The following PTPRD variants were observed in gnomAD, a reference collection of about 807,000 sequenced individuals.
PTPRD encodes the protein protein tyrosine phosphatase receptor type D.
A neutral mutation model predicts 214.5 loss-of-function variants in PTPRD; 34 were observed. The observed-to-expected ratio is 0.16, with a 90% CI of 0.12 to 0.21. The LOEUF (loss-of-function observed/expected upper bound fraction) is 0.21, where lower values mean the gene tolerates loss of function less well. PTPRD is among the 10% of genes least tolerant of loss of function. The probability of loss-of-function intolerance (pLI) is 1.00; values close to 1 mark genes in which losing one functional copy is unlikely to be tolerated. For synonymous variants in PTPRD, 1,128 were observed against 845.7 expected (o/e 1.33, Z -5.79); for missense variants, 2,545 against 2,398.7 (o/e 1.06, Z -1.27).
intron 35 of PTPRD, among the ~76,000 whole-genome samples, chr9:8,408,476 G>C (rs2130849514): frequency 6.6e-6 from 1 of 152,156 alleles, no homozygotes; most frequent in East Asian, 1.9e-4. Flanking sequence ...TGAAATCCTG[G>C]CCAGGCTTTC....
At chr9:8,733,423 G>T (rs2098681698) in intron 12 of PTPRD, among the ~76,000 whole-genome samples, 1 of 152,134 alleles carries the variant, frequency 6.6e-6, no homozygotes, top group South Asian at 2.1e-4. Flanking sequence ...AAGAAATTTT[G>T]AGTGGGTCTG....
At chr9:9,738,022 T>C (rs756866224) in intron 6 of PTPRD, among the ~76,000 whole-genome samples, 7 of 151,862 alleles carry the variant, frequency 4.6e-5, no homozygotes, top group African/African-American at 9.7e-5. Context: ...AAACACCGCA[T>C]GTTCTCACTC....
intron 10 of PTPRD, chr9:9,091,030 G>A: frequency 2.6e-6 from 4 of 1,561,284 alleles, no homozygotes; most frequent in Non-Finnish European, 3.5e-6. Context: ...TCGAAACATA[G>A]TGGAGGCCGC....
At chr9:8,329,727 G>A (rs1337781620) in intron 44 of PTPRD, among the ~76,000 whole-genome samples, 1 of 152,110 alleles carries the variant, frequency 6.6e-6, no homozygotes, top group African/African-American at 2.4e-5. Flanking sequence ...CCAGGGAGGA[G>A]TAATCCAGAG....
At chr9:9,836,403 A>T (rs1412108452) in intron 5 of PTPRD, among the ~76,000 whole-genome samples, 1 of 152,142 alleles carries the variant, frequency 6.6e-6, no homozygotes, top group Admixed American at 6.6e-5. Flanking sequence ...TGGGCTCATT[A>T]CCCACGTGGT....
intron 10 of PTPRD, among the ~76,000 whole-genome samples, chr9:9,070,999 G>A (rs1427168721): frequency 6.6e-6 from 1 of 152,040 alleles, no homozygotes; most frequent in Non-Finnish European, 1.5e-5. Context: ...CTGCAGCCTC[G>A]AATTTCTGGG....
At chr9:8,581,822 G>A (rs1389300886) in intron 14 of PTPRD, among the ~76,000 whole-genome samples, 6 of 149,102 alleles carry the variant, frequency 4.0e-5, no homozygotes, top group African/African-American at 1.5e-4. Flanking sequence ...AGGGCCCGGT[G>A]GCTCACGCCT....
At chr9:8,699,386 A>T (rs911789173) in intron 12 of PTPRD, among the ~76,000 whole-genome samples, 2 of 152,226 alleles carry the variant, frequency 1.3e-5, no homozygotes, top group Admixed American at 6.5e-5. Context: ...AATTCCTGAA[A>T]TAATGTAAAT....
At chr9:10,514,794 C>T (rs897851365) in intron 2 of PTPRD, among the ~76,000 whole-genome samples, 1 of 151,746 alleles carries the variant, frequency 6.6e-6, no homozygotes, top group African/African-American at 2.4e-5. Context: ...CACAGTGGTC[C>T]CAAAATGTAT....
At chr9:8,826,544 C>T (rs1049150922) in intron 11 of PTPRD, among the ~76,000 whole-genome samples, 1 of 152,104 alleles carries the variant, frequency 6.6e-6, no homozygotes, top group East Asian at 1.9e-4. Flanking sequence ...GTGCTGATAC[C>T]AGCTACCCAT....
chr9:8,907,666 G>T (rs7028941), intron 11 of PTPRD, among the ~76,000 whole-genome samples: 22,495 of 151,020 alleles, frequency 0.15, 2,151 homozygotes, highest in Non-Finnish European at 0.21. Context: ...ACAAAGATGA[G>T]AAATTTACTA....
chr9:10,337,386 G>C (rs939240969), intron 3 of PTPRD, among the ~76,000 whole-genome samples: 1 of 151,654 alleles, frequency 6.6e-6, no homozygotes, highest in Non-Finnish European at 1.5e-5. Flanking sequence ...AATGGATTTA[G>C]ATATAGTTTC....
rs867468817 is a variant in PTPRD at position 8,360,430 on chromosome 9, A to T, written c.4661+15506T>A. ...AATATACAGTTATGCATTTGAGGTT[A>T]ATGTCAACTGTATACATACATTTTA... On this transcript the variant is annotated intron_variant, in intron 39 of 45. Transcript: ENST00000381196. Among the ~76,000 whole-genome samples, 16 of 152,222 alleles carry T rather than the reference A, an allele frequency of 1.1e-4. No individual in the cohort carries two copies. In the South Asian group the frequency reaches 2.3e-3, roughly 22 times the overall value.
chr9:10,569,981 C>G (rs1031500038), intron 2 of PTPRD, among the ~76,000 whole-genome samples: 4 of 151,912 alleles, frequency 2.6e-5, no homozygotes, highest in African/African-American at 9.7e-5. Flanking sequence ...ATAAAATAAG[C>G]CAACCTTAAC....
chr9:10,046,927 C>T (rs1212884271), intron 3 of PTPRD, among the ~76,000 whole-genome samples: 1 of 151,956 alleles, frequency 6.6e-6, no homozygotes, highest in Non-Finnish European at 1.5e-5. Context: ...ACAACAATTA[C>T]AGACATCCAA....
chr9:10,505,083 A>G (rs997618434), intron 2 of PTPRD, among the ~76,000 whole-genome samples: 2 of 152,214 alleles, frequency 1.3e-5, no homozygotes, highest in Non-Finnish European at 2.9e-5. Flanking sequence ...GTCTTGCAAA[A>G]GAAAAAAGGC....
chr9:9,366,492 C>T (rs1228245783), intron 9 of PTPRD, among the ~76,000 whole-genome samples: 1 of 151,388 alleles, frequency 6.6e-6, no homozygotes, highest in East Asian at 1.9e-4. Flanking sequence ...AGTGAGATTA[C>T]TGAAATTCAG....
At chr9:8,496,633 C>T (rs1453588343) in intron 26 of PTPRD, among the ~76,000 whole-genome samples, 2 of 152,170 alleles carry the variant, frequency 1.3e-5, no homozygotes, top group South Asian at 2.1e-4. Context: ...GAAGAACAGC[C>T]ACTTCTAGTT....
Position 8,629,256 on chromosome 9 carries a change from C to T in PTPRD, c.352+4061G>A, listed in dbSNP as rs143050003. 3.8e-4 allele frequency among the ~76,000 whole-genome samples: 58 copies of T among 151,854 alleles called. 1 individual carries two copies. In the East Asian group the frequency reaches 0.011, roughly 30 times the overall value. ...ATAATTATTGATGTCTTTCCTCTTGCCCAAAAGAAGCAAGTACCCTTGGAC... is the reference window on the plus strand; with the variant it reads ...ATAATTATTGATGTCTTTCCTCTTGTCCAAAAGAAGCAAGTACCCTTGGAC... On this transcript the variant is annotated intron_variant, in intron 14 of 45. Coordinates refer to ENST00000381196, the MANE Select transcript of PTPRD (RefSeq NM_002839.4).
Sources: allele counts gnomAD v4.1 joint callset (sites outside exome capture counted in the v4.1 genomes callset), GRCh38; gene constraint gnomAD v4.1.1; transcripts MANE v1.5; gene names NCBI Gene and HGNC (gene_info 2026-07-23, HGNC 2026-07-21).